BRDT: variants seen among roughly 807,000 people sequenced by gnomAD.
BRDT encodes bromodomain testis-specific protein.
Under a neutral mutation model 113.9 loss-of-function variants are expected in BRDT, and 77 were observed. The observed-to-expected ratio is 0.68, with a 90% confidence interval of 0.56 to 0.82. The LOEUF is 0.82. Among genes scored for constraint, BRDT ranks in the 40% least tolerant of loss-of-function variants. The pLI is 0.00. For missense variants in BRDT, 1,027 were observed against 1,105.4 expected, an observed-to-expected ratio of 0.93 and a Z score of 1.01; for synonymous variants, 358 against 366.5, an observed-to-expected ratio of 0.98 and a Z score of 0.26.
intron 1 of BRDT, among the ~76,000 whole-genome samples, chr1:91,952,798 AGAG>A (rs1345967146): frequency 6.7e-6 from 1 of 148,448 alleles, no homozygotes; most frequent in Non-Finnish European, 1.5e-5. Context: ...AAAAAAAAAA[AGAG>A]GGACCAAGGG....
intron 1 of BRDT, among the ~76,000 whole-genome samples, chr1:91,960,352 A>G (rs991208396): frequency 6.6e-6 from 1 of 152,218 alleles, no homozygotes; most frequent in African/African-American, 2.4e-5. Flanking sequence ...ATGGAATATT[A>G]TTTAGCCTTA....
At chr1:91,995,687 G>A (rs1686259126) in intron 15 of BRDT, among the ~76,000 whole-genome samples, 1 of 148,098 alleles carries the variant, frequency 6.8e-6, no homozygotes, top group South Asian at 2.1e-4. Flanking sequence ...GCCCAGGGTG[G>A]GTGCAGTGGT....
At chr1:91,974,198 G>A (rs1429755107) in intron 4 of BRDT, among the ~76,000 whole-genome samples, 14 of 152,086 alleles carry the variant, frequency 9.2e-5, no homozygotes, top group Non-Finnish European at 2.1e-4. Context: ...GAAAACCTAG[G>A]CAATACCATT....
chr1:91,978,479 G>C (rs906995017), intron 7 of BRDT, among the ~76,000 whole-genome samples, 183 bp downstream of exon 7: 3 of 152,136 alleles, frequency 2.0e-5, no homozygotes, highest in Non-Finnish European at 1.5e-5. Context: ...AAACTGAGAG[G>C]GTTGTGTGTT....
intron 15 of BRDT, among the ~76,000 whole-genome samples, chr1:91,997,301 G>A (rs1415554786): frequency 6.6e-6 from 1 of 152,198 alleles, no homozygotes; most frequent in Non-Finnish European, 1.5e-5. Flanking sequence ...TGGAATTTGA[G>A]TGTAGTGAAT....
intron 15 of BRDT, among the ~76,000 whole-genome samples, chr1:91,998,844 T>C (rs1557859223): frequency 6.6e-6 from 1 of 152,182 alleles, no homozygotes; most frequent in South Asian, 2.1e-4. Context: ...AATGTGAAGG[T>C]ATTTAGGCAA....
In BRDT at chr1:91,994,122, A is replaced by G. The variant is rs749046033; in HGVS notation, c.2155A>G (p.Thr719Ala). The change falls in exon 15 of 19, where the codon ACC (threonine) becomes GCC (alanine). Residue 719 changes from threonine (T) to alanine (A), a missense_variant. Thr to Ala is a moderately conservative substitution (Grantham distance 58). Transcript: ENST00000399546. Reference sequence around the variant, plus strand: ...GCAAGACACAACCTCTGCCAATACTACCCTTGTTCATCAGACCACACCTTC... The same window carrying G: ...GCAAGACACAACCTCTGCCAATACTGCCCTTGTTCATCAGACCACACCTTC... The part of the protein sequence containing the change: ...CVQDTTSANT[T>A]LVHQTTPSHV... 33 of 1,612,528 alleles carry G rather than the reference A, an allele frequency of 2.0e-5. No individual in the cohort carries two copies. Among genetic ancestry groups the G allele is most frequent in the Middle Eastern group, 3.3e-4 (2 of 6,078 alleles).
rs544328187 is a variant in BRDT at position 91,979,824 on chromosome 1, T to A, written c.1287+67T>A. 8 of 1,475,318 alleles carry A rather than the reference T, an allele frequency of 5.4e-6. No individual in the cohort carries two copies. The South Asian group carries it at 1.1e-4, about 21-fold the overall frequency. The allele number at this position is 1,475,318 out of a possible 1,614,324, so 91.4% of individuals were successfully genotyped here. A position where few individuals can be genotyped will look rare whatever the true frequency, so the allele number is the denominator to read the frequency against. On this transcript the variant is annotated intron_variant, in intron 8 of 18. Coordinates refer to ENST00000399546, the MANE Select transcript of BRDT (RefSeq NM_207189.4). The stretch of plus-strand genomic sequence containing the variant: ...TGCTAATCTATCAGGAAATTTTTTC[T>A]GCAGATTTAAAGCTGTTATAGTTAA...
intron 1 of BRDT, among the ~76,000 whole-genome samples, chr1:91,953,707 G>T (rs1681393310): frequency 6.6e-6 from 1 of 152,138 alleles, no homozygotes; most frequent in Non-Finnish European, 1.5e-5. Context: ...TATTTTGAGA[G>T]TTATTGAGTG....
intron 3 of BRDT, among the ~76,000 whole-genome samples, chr1:91,965,441 A>T (rs1050258113): frequency 6.6e-6 from 1 of 152,214 alleles, no homozygotes; most frequent in Non-Finnish European, 1.5e-5. Flanking sequence ...GAGATAAAGG[A>T]AAAGCCTTAG....
At chr1:92,009,684 G>C (rs1032337730) in intron 18 of BRDT, among the ~76,000 whole-genome samples, 11 of 151,346 alleles carry the variant, frequency 7.3e-5, no homozygotes, top group Non-Finnish European at 1.5e-5. Flanking sequence ...CAGTAGCTGG[G>C]ACCACAGGCA....
chr1:91,985,881 G>A (rs941805645), intron 12 of BRDT, among the ~76,000 whole-genome samples: 3 of 151,514 alleles, frequency 2.0e-5, no homozygotes, highest in Non-Finnish European at 4.4e-5. Flanking sequence ...CTCGTGATCC[G>A]CCCGCCTCGG....
At chr1:91,966,003 A>G (rs545577071) in intron 3 of BRDT, among the ~76,000 whole-genome samples, 1 of 152,188 alleles carries the variant, frequency 6.6e-6, no homozygotes, top group African/African-American at 2.4e-5. Context: ...ATTTGCCCAT[A>G]TGATATATGT....
At chr1:91,998,943 C>G (rs144578525) in intron 15 of BRDT, among the ~76,000 whole-genome samples, 241 of 152,250 alleles carry the variant, frequency 1.6e-3, no homozygotes, top group African/African-American at 5.4e-3. Flanking sequence ...TCATTTAACC[C>G]TTTAGATACT....
At chr1:92,005,323 A>G in intron 18 of BRDT, 24 bp downstream of exon 18, 2 of 1,492,226 alleles carry the variant, frequency 1.3e-6, no homozygotes, top group Non-Finnish European at 1.8e-6. Context: ...AGTTTACTAA[A>G]TCTAATTTAA....
intron 4 of BRDT, among the ~76,000 whole-genome samples, chr1:91,971,589 T>C (rs540840911): frequency 6.6e-6 from 1 of 152,234 alleles, no homozygotes; most frequent in African/African-American, 2.4e-5. Flanking sequence ...GAGCAAATAC[T>C]TGAGTGCTGA....
chr1:91,982,454 G>A (rs1347201648), intron 12 of BRDT, among the ~76,000 whole-genome samples: 1 of 152,112 alleles, frequency 6.6e-6, no homozygotes, highest in Non-Finnish European at 1.5e-5. Flanking sequence ...TACTGACTTG[G>A]CAGTGGTGTT....
At position 91,968,142 on chromosome 1, in the gene BRDT, G is replaced by A. The variant is rs1453001542; in HGVS notation, c.331-4G>A. The A allele has an allele frequency of 6.2e-6, 10 of 1,613,280 alleles. No homozygotes were observed. The highest frequency in any genetic ancestry group is 1.7e-6 in the Non-Finnish European group (2 of 1,179,702). On this transcript the variant is annotated splice_polypyrimidine_tract_variant and splice_region_variant and intron_variant, in intron 3 of 18. Coordinates refer to ENST00000399546, the MANE Select transcript of BRDT (RefSeq NM_207189.4). ...CCTTATGGTATATTTAATATATTTT[G>A]TAGCCTGGAGATGACATTGTTCTTA...
chr1:91,957,162 C>T (rs1028948517), intron 1 of BRDT, among the ~76,000 whole-genome samples: 4 of 152,058 alleles, frequency 2.6e-5, no homozygotes, highest in Admixed American at 6.6e-5. Flanking sequence ...TTTGTGTTAG[C>T]GCTGAACATG....
Sources: allele counts gnomAD v4.1 joint callset (sites outside exome capture counted in the v4.1 genomes callset), GRCh38; gene constraint gnomAD v4.1.1; transcripts MANE v1.5; gene names NCBI Gene and HGNC (gene_info 2026-07-23, HGNC 2026-07-21).